SNX14: variants seen among roughly 807,000 people sequenced by gnomAD.
SNX14 encodes the protein sorting nexin 14.
In SNX14, 93 loss-of-function variants were observed where a neutral mutation model predicts 133.8. The observed-to-expected ratio is 0.70, with a 90% CI of 0.59 to 0.83. The LOEUF (loss-of-function observed/expected upper bound fraction) is 0.83, where lower values mean the gene tolerates loss of function less well. Ranked by LOEUF, SNX14 falls within the 40% of genes least tolerant of loss-of-function variation. The pLI, the probability that SNX14 is intolerant of heterozygous loss-of-function variation, is 0.00. For synonymous variants in SNX14, 368 were observed against 365.6 expected (o/e 1.01, Z -0.07); for missense variants, 945 against 1,094.9 (o/e 0.86, Z 1.93).
At chr6:85,577,511 C>T (rs1797724201) in intron 1 of SNX14, among the ~76,000 whole-genome samples, 1 of 152,082 alleles carries the variant, frequency 6.6e-6, no homozygotes, top group Non-Finnish European at 1.5e-5. Context: ...ACACGCTACA[C>T]AGAAATGTTC....
rs943339141 is a variant in SNX14 at position 85,565,327 on chromosome 6, T to C, written c.549+5A>G. On this transcript the variant is annotated splice_donor_5th_base_variant and intron_variant, in intron 6 of 28. Transcript: ENST00000314673. The stretch of plus-strand genomic sequence containing the variant: ...ATTCCCAAATTTCTCATTAAAAATA[T>C]ATACCTTGTGAATCCTTCTTATTAA... 1.3e-6 allele frequency: 2 copies of C among 1,552,344 alleles called. No homozygotes were observed. Among genetic ancestry groups the C allele is most frequent in the African/African-American group, 1.4e-5 (1 of 72,678 alleles).
intron 15 of SNX14, among the ~76,000 whole-genome samples, chr6:85,541,602 A>T (rs981989343): frequency 1.3e-5 from 2 of 152,170 alleles, no homozygotes; most frequent in Admixed American, 1.3e-4. Context: ...AAAAGAAAGA[A>T]ATAAACATCC....
chr6:85,532,998 T>C (rs1268059363), intron 18 of SNX14, among the ~76,000 whole-genome samples: 1 of 152,166 alleles, frequency 6.6e-6, no homozygotes, highest in Non-Finnish European at 1.5e-5. Context: ...GCGATCTTCA[T>C]GCCTCAGCCT....
intron 6 of SNX14, among the ~76,000 whole-genome samples, chr6:85,564,920 C>A (rs980587137): frequency 6.6e-6 from 1 of 150,894 alleles, no homozygotes; most frequent in East Asian, 2.0e-4. Context: ...ACCTGGGAGG[C>A]GGAGGTTGCA....
At chr6:85,588,446 G>A (rs901401038) in intron 1 of SNX14, among the ~76,000 whole-genome samples, 4 of 151,836 alleles carry the variant, frequency 2.6e-5, no homozygotes, top group South Asian at 2.1e-4. Context: ...GCGCGGTGGC[G>A]GGCGCCTGTA....
At chr6:85,552,571 CCTG>C (rs1340629059) in intron 7 of SNX14, among the ~76,000 whole-genome samples, 1 of 152,116 alleles carries the variant, frequency 6.6e-6, no homozygotes, top group Non-Finnish European at 1.5e-5. Flanking sequence ...GAGTGAATAA[CCTG>C]CTAAACAAGA....
At chr6:85,544,274 T>C (rs1490272058) in intron 12 of SNX14, among the ~76,000 whole-genome samples, 1 of 152,158 alleles carries the variant, frequency 6.6e-6, no homozygotes, top group Non-Finnish European at 1.5e-5. Flanking sequence ...TTTTTCTTTT[T>C]ATTTCAGGAT....
rs1311909367 is a variant in SNX14 at position 85,533,683 on chromosome 6, CA to C, written c.1725del (p.Phe575LeufsTer53). ...WKISIPYVDF[F>X]EDPSSERKEK... ...TCCTTCCTTTCAGAGGAGGGATCCT[CA>C]AAAAAGTCTACATATGGAATGCTAA... On this transcript the variant is annotated frameshift_variant, in exon 18 of 29. Coordinates refer to ENST00000314673, the MANE Select transcript of SNX14 (RefSeq NM_153816.6). LOFTEE classifies it high-confidence loss of function. 1.2e-6 allele frequency: 2 copies of C among 1,613,732 alleles called. No individual in the cohort carries two copies. The highest frequency in any genetic ancestry group is 1.7e-6 in the Non-Finnish European group (2 of 1,180,004).
At chr6:85,517,700 T>C in intron 23 of SNX14, 56 bp downstream of exon 23, 1 of 1,523,422 alleles carries the variant, frequency 6.6e-7, no homozygotes, top group Non-Finnish European at 8.8e-7. Flanking sequence ...AATGAAAAAG[T>C]AATCTCAAGT....
intron 2 of SNX14, among the ~76,000 whole-genome samples, chr6:85,572,954 A>C (rs977808090): frequency 5.3e-5 from 8 of 152,018 alleles, no homozygotes; most frequent in Non-Finnish European, 1.0e-4. Flanking sequence ...AGCCTGTCTC[A>C]AAAAAAGGAA....
At chr6:85,534,205 C>G (rs1344407412) in intron 17 of SNX14, among the ~76,000 whole-genome samples, 1 of 152,192 alleles carries the variant, frequency 6.6e-6, no homozygotes, top group Admixed American at 6.5e-5. Context: ...TTGGCTTTCA[C>G]CTGTAATCCC....
intron 23 of SNX14, among the ~76,000 whole-genome samples, chr6:85,516,675 T>C (rs1423542377): frequency 6.9e-6 from 1 of 145,406 alleles, no homozygotes; most frequent in Non-Finnish European, 1.5e-5. Context: ...TCTTGCTCTG[T>C]CCCCCAGGCT....
chr6:85,521,938 C>G (rs1462482151), intron 21 of SNX14, among the ~76,000 whole-genome samples: 1 of 152,114 alleles, frequency 6.6e-6, no homozygotes, highest in African/African-American at 2.4e-5. Context: ...TGATAGTGGT[C>G]TAGTTTCATT....
chr6:85,551,879 T>C (rs1374476220), intron 7 of SNX14, among the ~76,000 whole-genome samples: 1 of 152,232 alleles, frequency 6.6e-6, no homozygotes. Context: ...AGTTTTCTTT[T>C]AGACCTGGCA....
chr6:85,583,208 C>A (rs1332283027), intron 1 of SNX14, among the ~76,000 whole-genome samples: 1 of 152,036 alleles, frequency 6.6e-6, no homozygotes, highest in East Asian at 1.9e-4. Flanking sequence ...AATTCAACAC[C>A]CCTTCATGCT....
intron 1 of SNX14, among the ~76,000 whole-genome samples, chr6:85,574,622 T>C (rs376267503): frequency 2.0e-5 from 3 of 152,252 alleles, no homozygotes; most frequent in African/African-American, 2.4e-5. Context: ...TTGGTACCTA[T>C]GTTTAACTAG....
intron 1 of SNX14, among the ~76,000 whole-genome samples, chr6:85,585,152 G>A (rs1800317945): frequency 6.6e-6 from 1 of 152,062 alleles, no homozygotes; most frequent in East Asian, 1.9e-4. Flanking sequence ...ACCAAACACT[G>A]CATGTTCTTA....
intron 1 of SNX14, among the ~76,000 whole-genome samples, chr6:85,577,387 C>T (rs762059234): frequency 2.0e-5 from 3 of 151,886 alleles, no homozygotes; most frequent in Non-Finnish European, 4.4e-5. Flanking sequence ...CACTGCACTC[C>T]GGCTGGGTGA....
intron 23 of SNX14, among the ~76,000 whole-genome samples, chr6:85,515,645 T>G (rs1184008751): frequency 6.6e-6 from 1 of 152,202 alleles, no homozygotes; most frequent in African/African-American, 2.4e-5. Context: ...CTATTGGCTC[T>G]TATGTCAGAT....
Sources: gnomAD v4.1 joint callset for allele counts (sites outside exome capture counted in the v4.1 genomes callset) on GRCh38, gnomAD v4.1.1 for gene constraint, MANE v1.5 for transcripts, NCBI Gene and HGNC (gene_info 2026-07-23, HGNC 2026-07-21) for gene names.